Variants in HTR7 observed in about 807,000 individuals in gnomAD.
HTR7 encodes the protein 5-hydroxytryptamine receptor 7, also known as 5-HT-7.
In HTR7, 16 loss-of-function variants were observed where a neutral mutation model predicts 34.0. That is an observed-to-expected ratio of 0.47 (90% CI 0.32 to 0.71). The LOEUF (loss-of-function observed/expected upper bound fraction) is 0.71, where lower values mean the gene tolerates loss of function less well. HTR7 is among the 30% of genes least tolerant of loss of function. The pLI is 0.04. For missense variants in HTR7, 504 were observed against 625.5 expected, an observed-to-expected ratio of 0.81 and a Z score of 2.07; for synonymous variants, 265 against 260.2, an observed-to-expected ratio of 1.02 and a Z score of -0.18.
chr10:90,748,693 G>A (rs1589434040), intron 2 of HTR7, 146 bp downstream of exon 2: 1 of 856,274 alleles, frequency 1.2e-6, no homozygotes, highest in East Asian at 2.5e-5. Context: ...TGGAAGACTG[G>A]AGTCTATACT....
intron 1 of HTR7, among the ~76,000 whole-genome samples, chr10:90,825,330 A>G (rs1846053552): frequency 6.6e-6 from 1 of 152,224 alleles, no homozygotes; most frequent in South Asian, 2.1e-4. Context: ...CCAAAAACTT[A>G]GATCACAACA....
In HTR7 at chr10:90,749,213, T is replaced by C. The variant is rs1246179679; in HGVS notation, c.921A>G (p.Arg307=). The change falls in exon 2 of 4, where the codon AGA becomes AGG. Residue 307 remains arginine (R), a synonymous_variant. Coordinates refer to ENST00000336152, the MANE Select transcript of HTR7 (RefSeq NM_019859.4). The surrounding 1 kb of genome is among the most constrained non-coding windows in gnomAD (Gnocchi z 4.2). ...KEVEECANLS[R]LLKHERKNIS... ...TGTTTTTCCTTTCATGCTTGAGGAGTCTCGAAAGGTTTGCACACTCTTCCA... is the reference window on the plus strand; with the variant it reads ...TGTTTTTCCTTTCATGCTTGAGGAGCCTCGAAAGGTTTGCACACTCTTCCA... 3.7e-6 allele frequency: 6 copies of C among 1,613,746 alleles called. No homozygotes were observed. In the South Asian group the frequency reaches 4.4e-5, roughly 12 times the overall value.
At chr10:90,801,777 C>G (rs1183093476) in intron 1 of HTR7, among the ~76,000 whole-genome samples, 2 of 152,142 alleles carry the variant, frequency 1.3e-5, no homozygotes, top group Non-Finnish European at 2.9e-5. Context: ...TATCAGTGAG[C>G]CTCCTGGCCT....
Position 90,806,338 on chromosome 10 carries a change from C to T in HTR7, c.539+50795G>A, listed in dbSNP as rs1052127442. The stretch of plus-strand genomic sequence containing the variant: ...GGTAGGCTGGGCGCGGTGGCTCACG[C>T]CTGTAATCCCAACACTTTGGGAGGC... On this transcript the variant is annotated intron_variant, in intron 1 of 3. Transcript: ENST00000336152. 3.3e-5 allele frequency among the ~76,000 whole-genome samples: 5 copies of T among 152,292 alleles called. No homozygotes were observed. In the South Asian group the frequency reaches 1.0e-3, roughly 32 times the overall value.
chr10:90,753,456 C>A (rs1162015957), intron 1 of HTR7, among the ~76,000 whole-genome samples: 7 of 152,094 alleles, frequency 4.6e-5, no homozygotes, highest in Non-Finnish European at 7.4e-5. Context: ...AAGAGATGCA[C>A]ATTTTAAAAT....
intron 1 of HTR7, among the ~76,000 whole-genome samples, chr10:90,770,722 C>T (rs1398870149): frequency 6.6e-6 from 1 of 152,338 alleles, no homozygotes; most frequent in Middle Eastern, 3.4e-3. Context: ...AAGGTGGGTG[C>T]TGAGGGCAGC....
At chr10:90,777,480 C>CA (rs1187256524) in intron 1 of HTR7, among the ~76,000 whole-genome samples, 2,403 of 49,924 alleles carry the variant, frequency 0.048, 66 homozygotes, top group Non-Finnish European at 0.072. Flanking sequence ...GACTCCGTCT[C>CA]AAAAAAAAAA....
At chr10:90,829,801 G>A (rs574753069) in intron 1 of HTR7, among the ~76,000 whole-genome samples, 4 of 152,140 alleles carry the variant, frequency 2.6e-5, no homozygotes, top group African/African-American at 9.6e-5. Context: ...TCAATATACA[G>A]AAATCAGTAG....
At chr10:90,751,728 T>A (rs1003666329) in intron 1 of HTR7, among the ~76,000 whole-genome samples, 10 of 152,180 alleles carry the variant, frequency 6.6e-5, no homozygotes, top group Non-Finnish European at 1.2e-4. Flanking sequence ...GTGGAGCATT[T>A]AAAAAATTAG....
chr10:90,744,359 C>T (rs188911617), intron 2 of HTR7, among the ~76,000 whole-genome samples: 113 of 151,200 alleles, frequency 7.5e-4, no homozygotes, highest in Middle Eastern at 3.4e-3. Context: ...CATAGCAGAC[C>T]CTCAAATGTT....
chr10:90,832,004 T>C (rs375180736), intron 1 of HTR7, among the ~76,000 whole-genome samples: 14 of 152,326 alleles, frequency 9.2e-5, no homozygotes, highest in African/African-American at 3.4e-4. Context: ...TTGGTGTGTT[T>C]ACAAACCTTG....
chr10:90,846,682 T>G (rs2120109751), intron 1 of HTR7, among the ~76,000 whole-genome samples: 1 of 152,318 alleles, frequency 6.6e-6, no homozygotes, highest in Admixed American at 6.5e-5. Flanking sequence ...GAAGGCAGTT[T>G]CTGGGAAGCT....
intron 1 of HTR7, among the ~76,000 whole-genome samples, chr10:90,822,670 T>C (rs66795651): frequency 0.14 from 20,286 of 149,878 alleles, 1,651 homozygotes; most frequent in East Asian, 0.2. Flanking sequence ...GCCAAGACAA[T>C]GGGGAATATG....
At position 90,793,372 on chromosome 10, in the gene HTR7, A is replaced by G. The variant is rs548620190; in HGVS notation, c.540-43778T>C. Reference sequence around the variant, plus strand: ...TTGAAAATCAACTAAAGGAATCATTAATAACCATAGAAGAGGATAATTCCA... The same window carrying G: ...TTGAAAATCAACTAAAGGAATCATTGATAACCATAGAAGAGGATAATTCCA... On this transcript the variant is annotated intron_variant, in intron 1 of 3. Transcript: ENST00000336152. 9.2e-5 allele frequency among the ~76,000 whole-genome samples: 14 copies of G among 151,888 alleles called. No individual in the cohort carries two copies. In the South Asian group the frequency reaches 2.9e-3, roughly 32 times the overall value.
At chr10:90,767,829 A>T (rs1845047150) in intron 1 of HTR7, among the ~76,000 whole-genome samples, 1 of 152,090 alleles carries the variant, frequency 6.6e-6, no homozygotes, top group Non-Finnish European at 1.5e-5. Flanking sequence ...CTTCTTATGT[A>T]TCAGCTGGCT....
chr10:90,774,259 A>G (rs759443533), intron 1 of HTR7, among the ~76,000 whole-genome samples: 2 of 152,254 alleles, frequency 1.3e-5, no homozygotes, highest in Non-Finnish European at 2.9e-5. Context: ...CACAGATTAC[A>G]TGAAAAGGGG....
chr10:90,839,903 C>T (rs1384236888), intron 1 of HTR7, among the ~76,000 whole-genome samples: 2 of 152,026 alleles, frequency 1.3e-5, no homozygotes, highest in Non-Finnish European at 2.9e-5. Flanking sequence ...GTATCTATAA[C>T]CTAACTTTCA....
intron 2 of HTR7, among the ~76,000 whole-genome samples, chr10:90,746,902 T>C (rs1844646937): frequency 6.6e-6 from 1 of 152,252 alleles, no homozygotes; most frequent in African/African-American, 2.4e-5. Context: ...GTAAGTCTAA[T>C]AAACTTTACT....
chr10:90,775,090 C>T (rs1166858796), intron 1 of HTR7, among the ~76,000 whole-genome samples: 1 of 152,176 alleles, frequency 6.6e-6, no homozygotes, highest in Non-Finnish European at 1.5e-5. Flanking sequence ...TCTCATCACT[C>T]AGAAATAGGT....
Sources: allele counts gnomAD v4.1 joint callset (sites outside exome capture counted in the v4.1 genomes callset), GRCh38; gene constraint gnomAD v4.1.1; non-coding constraint Gnocchi (gnomAD v3.1); transcripts MANE v1.5; gene names NCBI Gene and HGNC (gene_info 2026-07-23, HGNC 2026-07-21).